The following SYTL3 variants were observed in gnomAD, a reference collection of about 807,000 sequenced individuals.
The protein encoded by SYTL3 is synaptotagmin-like protein 3.
In SYTL3, 88 loss-of-function variants were observed where a neutral mutation model predicts 82.1. That is an observed-to-expected ratio of 1.07 (90% confidence interval 0.90 to 1.28). The LOEUF (loss-of-function observed/expected upper bound fraction) is 1.28. SYTL3 is among the 50% of genes most tolerant of loss of function. SYTL3 has a pLI of 0.00. For missense variants in SYTL3, 831 were observed against 757.6 expected (o/e 1.10, Z -1.14); for synonymous variants, 311 against 289.4 (o/e 1.07, Z -0.76).
In SYTL3 at chr6:158,759,773, A is replaced by T. The variant is rs531673122; in HGVS notation, c.1309-867A>T. Among the ~76,000 whole-genome samples, 7 of 152,186 alleles carry T rather than the reference A, an allele frequency of 4.6e-5. No homozygotes were observed. The South Asian group carries it at 1.0e-3, about 23-fold the overall frequency. ...GGTCTCGAACTCCTGACCTCAGGTG[A>T]TCCCACCTTGGCCTCCCAAAGTGCT... is the stretch of plus-strand genomic sequence containing the variant. On this transcript the variant is annotated intron_variant, in intron 14 of 17. Transcript: ENST00000611299.
intron 5 of SYTL3, among the ~76,000 whole-genome samples, chr6:158,669,340 ATCT>A (rs1172552684): frequency 1.3e-5 from 2 of 152,164 alleles, no homozygotes; most frequent in South Asian, 2.1e-4. Flanking sequence ...TCAAACTGTG[ATCT>A]TCTTGTCATG....
intron 11 of SYTL3, among the ~76,000 whole-genome samples, chr6:158,733,034 T>G (rs1785620455): frequency 6.6e-6 from 1 of 151,778 alleles, no homozygotes; most frequent in Non-Finnish European, 1.5e-5. Flanking sequence ...TCCTTTCTGG[T>G]AATAATAATA....
At chr6:158,674,082 T>G (rs116733250) in intron 5 of SYTL3, among the ~76,000 whole-genome samples, 4,541 of 118,002 alleles carry the variant, frequency 0.038, 258 homozygotes, top group African/African-American at 0.14. Context: ...AGACTGTGTC[T>G]CAAAATAATA....
rs1474411246 is a variant in SYTL3 at position 158,718,133 on chromosome 6, C to T, written c.642C>T (p.Leu214=). Residue 214 remains leucine, a synonymous_variant, in exon 10 of 18, where the codon CTC becomes CTT. Transcript: ENST00000611299. ...ATATGACTTCTGAGAAGCATCTTCT[C>T]GCCACGGGCCCCAGGCAGTGTGTGG... The part of the protein sequence containing the change: ...QNDMTSEKHL[L]ATGPRQCVGQ... 3.9e-6 allele frequency: 6 copies of T among 1,546,294 alleles called. 1 individual carries two copies. The highest frequency in any genetic ancestry group is 3.6e-5 in the South Asian group (3 of 83,360).
chr6:158,743,625 T>TG (rs1186447123), intron 11 of SYTL3, among the ~76,000 whole-genome samples: 2 of 137,918 alleles, frequency 1.5e-5, no homozygotes, highest in South Asian at 4.6e-4. Flanking sequence ...TTTTTTTTTT[T>TG]GGTAGAGATG....
chr6:158,713,274 A>G (rs1782962552), intron 8 of SYTL3, among the ~76,000 whole-genome samples: 1 of 152,126 alleles, frequency 6.6e-6, no homozygotes, highest in Admixed American at 6.5e-5. Context: ...GACTTGGATA[A>G]GGAAGTGAAC....
intron 10 of SYTL3, among the ~76,000 whole-genome samples, chr6:158,723,238 G>A (rs1784338676): frequency 6.6e-6 from 1 of 151,458 alleles, no homozygotes; most frequent in South Asian, 2.1e-4. Flanking sequence ...AGGACTACAG[G>A]CACGTGCTAA....
chr6:158,711,948 G>C (rs1321331367), intron 8 of SYTL3, among the ~76,000 whole-genome samples: 2 of 152,098 alleles, frequency 1.3e-5, no homozygotes, highest in Admixed American at 1.3e-4. Context: ...CTGTATATTG[G>C]GCTGACCTCC....
intron 11 of SYTL3, among the ~76,000 whole-genome samples, chr6:158,730,811 G>C (rs965466643): frequency 6.6e-5 from 10 of 151,680 alleles, no homozygotes; most frequent in African/African-American, 1.2e-4. Context: ...ACATACCTAG[G>C]TAAGAGAAAC....
chr6:158,757,171 C>A, intron 13 of SYTL3, 40 bp from the exon 14 acceptor site: 1 of 1,584,234 alleles, frequency 6.3e-7, no homozygotes, highest in Non-Finnish European at 8.5e-7. Flanking sequence ...GAGTGCGGGC[C>A]CCGGGAGCCC....
intron 14 of SYTL3, among the ~76,000 whole-genome samples, chr6:158,759,454 G>A (rs997230727): frequency 1.3e-5 from 2 of 152,232 alleles, no homozygotes; most frequent in African/African-American, 4.8e-5. Context: ...GCTTCTCAGT[G>A]CTGGCAGGAG....
chr6:158,685,952 A>G lies in SYTL3; in HGVS notation c.394+2963A>G, dbSNP rs567551090. 3.3e-5 allele frequency among the ~76,000 whole-genome samples: 5 copies of G among 152,322 alleles called. No homozygotes were observed. In the East Asian group the frequency reaches 9.6e-4, roughly 29 times the overall value. ...AGTGCTGTAGGAGGTGAAGTTTGTCATTTCTCAATGCCAGCTAAGTGCAGA... is the reference window on the plus strand; with the variant it reads ...AGTGCTGTAGGAGGTGAAGTTTGTCGTTTCTCAATGCCAGCTAAGTGCAGA... On this transcript the variant is annotated intron_variant, in intron 6 of 17. Transcript: ENST00000611299.
chr6:158,646,530 G>A (rs1787473776), upstream of SYTL3, among the ~76,000 whole-genome samples: 1 of 152,172 alleles, frequency 6.6e-6, no homozygotes, highest in African/African-American at 2.4e-5. Flanking sequence ...GACCCAAATG[G>A]AGAGAACTGG....
In SYTL3 at chr6:158,763,759, G is replaced by A. The variant is rs1046664366; in HGVS notation, c.1723+250G>A. 1.3e-5 allele frequency among the ~76,000 whole-genome samples: 2 copies of A among 152,184 alleles called. 1 individual carries two copies. Among genetic ancestry groups the A allele is most frequent in the Non-Finnish European group, 2.9e-5 (2 of 68,024 alleles). ...AAATTATAGGCCTCCAAACGGGCTA[G>A]GTACAGTATTTGCTTTTGTTTCTGG... is the stretch of plus-strand genomic sequence containing the variant. On this transcript the variant is annotated intron_variant, in intron 17 of 17. Coordinates refer to ENST00000611299, the MANE Select transcript of SYTL3 (RefSeq NM_001242394.2).
intron 11 of SYTL3, 164 bp downstream of exon 11, chr6:158,725,801 C>G (rs1276916606): frequency 4.0e-6 from 4 of 991,328 alleles, no homozygotes; most frequent in Non-Finnish European, 6.1e-6. Flanking sequence ...AAGGCTTCCA[C>G]AGGTTTTAGT....
intron 11 of SYTL3, among the ~76,000 whole-genome samples, chr6:158,743,061 C>T (rs1001995360): frequency 3.9e-5 from 6 of 152,182 alleles, no homozygotes; most frequent in Non-Finnish European, 8.8e-5. Flanking sequence ...CCCCCAGTCC[C>T]GTTAGACTGC....
chr6:158,680,419 T>A (rs1399051096), intron 5 of SYTL3, among the ~76,000 whole-genome samples: 1 of 152,096 alleles, frequency 6.6e-6, no homozygotes, highest in Non-Finnish European at 1.5e-5. Flanking sequence ...TATTTTTGGC[T>A]CTGAATGGTA....
rs74504239 is a variant in SYTL3 at position 158,751,315 on chromosome 6, C to T, written c.1035-613C>T. 1.8e-3 allele frequency among the ~76,000 whole-genome samples: 272 copies of T among 152,038 alleles called. 4 individuals carry two copies. In the East Asian group the frequency reaches 0.029, roughly 16 times the overall value. On this transcript the variant is annotated intron_variant, in intron 12 of 17. Transcript: ENST00000611299. Reference sequence around the variant, plus strand: ...CTGCCAGAGGAGCCATGAAGGGCAGCGTAGGGGCCTGTATGGAGGGGTCAG... The same window carrying T: ...CTGCCAGAGGAGCCATGAAGGGCAGTGTAGGGGCCTGTATGGAGGGGTCAG...
chr6:158,688,742 T>G (rs1779549109), intron 6 of SYTL3, among the ~76,000 whole-genome samples: 2 of 152,360 alleles, frequency 1.3e-5, no homozygotes, highest in Middle Eastern at 3.4e-3. Flanking sequence ...TGAGTGTATG[T>G]ATCTATGCTT....
Sources: allele counts gnomAD v4.1 joint callset (sites outside exome capture counted in the v4.1 genomes callset), GRCh38; gene constraint gnomAD v4.1.1; transcripts MANE v1.5; gene names NCBI Gene and HGNC (gene_info 2026-07-23, HGNC 2026-07-21).